The following SH3PXD2A variants were observed in gnomAD, a reference collection of about 807,000 sequenced individuals.
SH3PXD2A encodes SH3 and PX domains 2A, also known as SH3 and PX domain-containing protein 2A.
A neutral mutation model predicts 115.2 loss-of-function variants in SH3PXD2A; 32 were observed. The observed-to-expected ratio is 0.28, with a 90% CI of 0.21 to 0.37. The LOEUF is 0.37. Among genes scored for constraint, SH3PXD2A ranks in the 10% least tolerant of loss-of-function variants. SH3PXD2A has a pLI of 1.00. For missense variants in SH3PXD2A, 1,328 were observed against 1,498.7 expected, an observed-to-expected ratio of 0.89 and a Z score of 1.88; for synonymous variants, 610 against 629.1, an observed-to-expected ratio of 0.97 and a Z score of 0.45.
intron 2 of SH3PXD2A, among the ~76,000 whole-genome samples, chr10:103,778,665 C>A (rs887822263): frequency 6.6e-6 from 1 of 152,164 alleles, no homozygotes; most frequent in Admixed American, 6.5e-5. Flanking sequence ...TGAATGGGGT[C>A]GCCAGTTTGA....
At chr10:103,617,526 G>A (rs2036537659) in intron 10 of SH3PXD2A, among the ~76,000 whole-genome samples, 1 of 152,196 alleles carries the variant, frequency 6.6e-6, no homozygotes, top group Non-Finnish European at 1.5e-5. Context: ...TGCTCCCAGT[G>A]TGTGCCAAAG....
Position 103,602,823 on chromosome 10 carries a change from C to A in SH3PXD2A, c.2395G>T (p.Asp799Tyr). The A allele has an allele frequency of 1.2e-6, 2 of 1,614,184 alleles. No homozygotes were observed. The highest frequency in any genetic ancestry group is 1.7e-6 in the Non-Finnish European group (2 of 1,180,022). Residue 799 changes from aspartate (D) to tyrosine (Y), a missense_variant, in exon 15 of 15, where the codon GAT becomes TAT. Asp to Tyr is a radical substitution (Grantham distance 160). Transcript: ENST00000369774. Reference protein sequence around the residue: ...RGGLKGSKSEDSELPPQTASE... With the variant: ...RGGLKGSKSEYSELPPQTASE... Reference sequence around the variant, plus strand: ...GCCGTCTGCGGGGGCAGCTCCGAATCCTCACTCTTGGAGCCCTTGAGCCCT... The same window carrying A: ...GCCGTCTGCGGGGGCAGCTCCGAATACTCACTCTTGGAGCCCTTGAGCCCT...
intron 5 of SH3PXD2A, among the ~76,000 whole-genome samples, chr10:103,701,613 C>T (rs1447752194): frequency 1.3e-5 from 2 of 148,688 alleles, no homozygotes; most frequent in Admixed American, 6.7e-5. Context: ...ATCATCCATC[C>T]ATCATCCATC....
At chr10:103,709,799 A>C (rs950484552) in intron 5 of SH3PXD2A, among the ~76,000 whole-genome samples, 1 of 152,238 alleles carries the variant, frequency 6.6e-6, no homozygotes, top group Non-Finnish European at 1.5e-5. Flanking sequence ...GGATGCAAAA[A>C]TTAGAGAATT....
intron 4 of SH3PXD2A, among the ~76,000 whole-genome samples, chr10:103,730,042 G>GC (rs1257295458): frequency 4.6e-5 from 7 of 152,302 alleles, no homozygotes; most frequent in Admixed American, 6.5e-5. Flanking sequence ...ACAGGAGGGG[G>GC]CCCCGGCAGA....
At chr10:103,624,576 C>T (rs1388151300) in intron 9 of SH3PXD2A, among the ~76,000 whole-genome samples, 1 of 152,240 alleles carries the variant, frequency 6.6e-6, no homozygotes, top group African/African-American at 2.4e-5. Context: ...GCAGCATGAA[C>T]ATACATCAAA....
chr10:103,687,365 T>C (rs1162426667), intron 6 of SH3PXD2A, among the ~76,000 whole-genome samples: 4 of 152,198 alleles, frequency 2.6e-5, no homozygotes, highest in African/African-American at 9.7e-5. Flanking sequence ...CCCTGGCTGA[T>C]ACAACAGAAC....
In SH3PXD2A at chr10:103,599,512, C is replaced by T. The variant is rs868134196; in HGVS notation, c.*2304G>A. 6 of 152,652 alleles carry T rather than the reference C, an allele frequency of 3.9e-5. No individual in the cohort carries two copies. Among genetic ancestry groups the T allele is most frequent in the Non-Finnish European group, 8.8e-5 (6 of 68,036 alleles). The allele number at this position is 152,652 out of a possible 1,614,324, so 9.5% of individuals were successfully genotyped here. On this transcript the variant is annotated 3_prime_UTR_variant, in exon 15 of 15. Transcript: ENST00000369774. ...GCTACATTGAAGGTTCTTTACCTGA[C>T]AGTCACTCTACTTTTAAATTTTATT...
intron 1 of SH3PXD2A, among the ~76,000 whole-genome samples, chr10:103,832,983 G>T (rs1460043510): frequency 2.6e-5 from 4 of 152,076 alleles, no homozygotes; most frequent in Non-Finnish European, 5.9e-5. Context: ...TTCCAAAGTG[G>T]TTACACCACT....
intron 1 of SH3PXD2A, among the ~76,000 whole-genome samples, chr10:103,837,021 C>T (rs915384165): frequency 1.3e-5 from 2 of 152,152 alleles, no homozygotes; most frequent in Admixed American, 6.5e-5. Flanking sequence ...CTAAGTCTCT[C>T]GTTTGTTTCC....
chr10:103,673,330 A>G (rs1032534622), intron 6 of SH3PXD2A: 2 of 152,180 alleles, frequency 1.3e-5, no homozygotes, highest in Non-Finnish European at 2.9e-5. Context: ...TTGGGAGACC[A>G]CTGTGGGAGG....
At chr10:103,773,224 C>CA (rs386372322) in intron 2 of SH3PXD2A, among the ~76,000 whole-genome samples, 6,976 of 114,780 alleles carry the variant, frequency 0.061, 526 homozygotes, top group African/African-American at 0.18. Flanking sequence ...AACTCTGTCT[C>CA]AAAAAAAAAA....
rs529358183 is a variant in SH3PXD2A, at chr10:103,799,141, C to A, written c.153+2141G>T. On this transcript the variant is annotated intron_variant, in intron 2 of 14. Coordinates refer to ENST00000369774, the MANE Select transcript of SH3PXD2A (RefSeq NM_001394015.1). ...GTAACCGGTCCCAGGGAATGTGCCC[C>A]CAGTGCCTAAACTCTAAGCTGCTCT... Among the ~76,000 whole-genome samples, 4 of 152,290 alleles carry A rather than the reference C, an allele frequency of 2.6e-5. No individual in the cohort carries two copies. In the South Asian group the frequency reaches 8.3e-4, roughly 32 times the overall value.
intron 8 of SH3PXD2A, among the ~76,000 whole-genome samples, chr10:103,637,949 T>C (rs1404006919): frequency 1.3e-5 from 2 of 152,210 alleles, no homozygotes; most frequent in Non-Finnish European, 2.9e-5. Flanking sequence ...GCAGGCTGTC[T>C]GCGAGTGCTG....
At position 103,601,630 on chromosome 10, in the gene SH3PXD2A, C is replaced by T; in HGVS notation, c.*186G>A. ...TCACTCAGTGTGGGCACCCCCATCC[C>T]CTACCTTCCAGCTGTGGGATGGCTT... On this transcript the variant is annotated 3_prime_UTR_variant, in exon 15 of 15. Transcript: ENST00000369774. The T allele has an allele frequency of 1.7e-6, 1 of 575,950 alleles. No homozygotes were observed. The allele number at this position is 575,950 out of a possible 1,614,324, so 35.7% of individuals were successfully genotyped here. A position where few individuals can be genotyped will look rare whatever the true frequency, so the allele number is the denominator to read the frequency against.
intron 3 of SH3PXD2A, among the ~76,000 whole-genome samples, chr10:103,757,421 G>A (rs1045480775): frequency 2.6e-5 from 4 of 152,114 alleles, no homozygotes; most frequent in Admixed American, 6.5e-5. Flanking sequence ...CAGGCTTTTC[G>A]GCCCAGATCA....
chr10:103,781,522 A>G (rs2038931465), intron 2 of SH3PXD2A, among the ~76,000 whole-genome samples: 1 of 152,228 alleles, frequency 6.6e-6, no homozygotes, highest in Admixed American at 6.5e-5. Context: ...AGTTTGTTAT[A>G]CAGCAGTTAG....
chr10:103,632,165 TA>T (rs558166972), intron 8 of SH3PXD2A, among the ~76,000 whole-genome samples: 19 of 146,760 alleles, frequency 1.3e-4, no homozygotes, highest in Admixed American at 4.1e-4. Flanking sequence ...AGACCCCACC[TA>T]AAAAAAAAAC....
Position 103,777,204 on chromosome 10 carries a change from G to T in SH3PXD2A, c.154-10035C>A, listed in dbSNP as rs189437018. On this transcript the variant is annotated intron_variant, in intron 2 of 14. Coordinates refer to ENST00000369774, the MANE Select transcript of SH3PXD2A (RefSeq NM_001394015.1). Reference sequence around the variant, plus strand: ...TGCTTGGCACAGAGCCTGGCACTGAGTAAGTGCTCCATACACACCGGCTAT... The same window carrying T: ...TGCTTGGCACAGAGCCTGGCACTGATTAAGTGCTCCATACACACCGGCTAT... 9.4e-4 allele frequency among the ~76,000 whole-genome samples: 143 copies of T among 152,380 alleles called. No individual in the cohort carries two copies. In the Middle Eastern group the frequency reaches 0.01, roughly 11 times the overall value.
Sources: allele counts gnomAD v4.1 joint callset (sites outside exome capture counted in the v4.1 genomes callset), GRCh38; gene constraint gnomAD v4.1.1; transcripts MANE v1.5; gene names NCBI Gene and HGNC (gene_info 2026-07-23, HGNC 2026-07-21).